PCDHA10: variants seen among roughly 807,000 people sequenced by gnomAD.
PCDHA10 encodes the protein protocadherin alpha-10.
A neutral mutation model predicts 61.2 loss-of-function variants in PCDHA10; 45 were observed. The ratio of observed to expected loss-of-function variants is 0.74; its 90% confidence interval spans 0.58 to 0.94. The LOEUF is 0.94. Among genes scored for constraint, PCDHA10 ranks in the 40% least tolerant of loss-of-function variants. PCDHA10 has a pLI of 0.00. For missense variants in PCDHA10, 1,278 were observed against 1,236.2 expected, an observed-to-expected ratio of 1.03 and a Z score of -0.51; for synonymous variants, 602 against 548.8, an observed-to-expected ratio of 1.10 and a Z score of -1.35.
chr5:140,882,737 G>C lies in PCDHA10; in HGVS notation c.2388+24301G>C, dbSNP rs1375859660. The C allele has an allele frequency of 3.7e-6, 6 of 1,614,090 alleles. No homozygotes were observed. In the East Asian group the frequency reaches 1.1e-4, roughly 30 times the overall value. ...GGAAACTCGATTTCCACTAGATGGC[G>C]CATCCGATGCAGATATTGGAGTAAA... On this transcript the variant is annotated intron_variant, in intron 1 of 3. Transcript: ENST00000307360.
Position 140,856,023 on chromosome 5 carries a change from G to A in PCDHA10, c.-26G>A. The stretch of plus-strand genomic sequence containing the variant: ...GTGCGTTCTAGACCGCTGATTCGTC[G>A]ATTTGTAAAACAAGAGAAGGATAAG... On this transcript the variant is annotated 5_prime_UTR_variant, in exon 1 of 4. Transcript: ENST00000307360. 2 of 1,556,224 alleles carry A rather than the reference G, an allele frequency of 1.3e-6. No homozygotes were observed. The highest frequency in any genetic ancestry group is 8.7e-7 in the Non-Finnish European group (1 of 1,145,220).
At chr5:140,914,481 G>A (rs549926889) in intron 1 of PCDHA10, among the ~76,000 whole-genome samples, 3 of 152,120 alleles carry the variant, frequency 2.0e-5, no homozygotes, top group Non-Finnish European at 4.4e-5. Context: ...TAGGTGAAGT[G>A]TTTCTTGTGG....
Position 141,010,653 on chromosome 5 carries a change from A to G in PCDHA10, c.*716A>G. On this transcript the variant is annotated 3_prime_UTR_variant, in exon 4 of 4. Transcript: ENST00000307360. ...TGCAAGCCAACAGTTCAGTGTTTTA[A>G]CAGAGAACCACCCTGGGAAACAGAA... 5.9e-6 allele frequency: 1 copy of G among 170,180 alleles called. No individual in the cohort carries two copies. The highest frequency in any genetic ancestry group is 1.3e-5 in the Non-Finnish European group (1 of 78,244). 10.5% of individuals were successfully genotyped at this position (170,180 alleles called of 1,614,324 possible). A position where few individuals can be genotyped will look rare whatever the true frequency, so the allele number is the denominator to read the frequency against.
chr5:140,912,064 A>G (rs1388725837), intron 1 of PCDHA10, among the ~76,000 whole-genome samples: 10 of 152,216 alleles, frequency 6.6e-5, no homozygotes, highest in Non-Finnish European at 1.0e-4. Flanking sequence ...TTGGAGTCCA[A>G]TGTTCAAGGG....
In PCDHA10 at chr5:140,858,119, C is replaced by G. The variant is rs1444406371; in HGVS notation, c.2071C>G (p.Leu691Val). The G allele has an allele frequency of 1.6e-5, 26 of 1,597,694 alleles. 1 individual carries two copies. The highest frequency in any genetic ancestry group is 2.1e-5 in the Non-Finnish European group (25 of 1,167,644). The change falls in exon 1 of 4, where the codon CTG (leucine) becomes GTG (valine). Residue 691 changes from leucine (L) to valine (V), a missense_variant. Transcript: ENST00000307360. The part of the protein sequence containing the change: ...ASVGVAPEVA[L>V]VDVNVYLIIA... The stretch of plus-strand genomic sequence containing the variant: ...AGTGGGCGTGGCGCCCGAGGTGGCC[C>G]TGGTGGATGTCAACGTGTACCTGAT...
At chr5:140,961,864 AG>A (rs2095638942) in intron 1 of PCDHA10, among the ~76,000 whole-genome samples, 3 of 151,832 alleles carry the variant, frequency 2.0e-5, no homozygotes, top group Non-Finnish European at 2.9e-5. Context: ...ATCTGGCCAC[AG>A]ATAATTGACT....
chr5:140,965,238 A>G (rs540671197), intron 1 of PCDHA10, among the ~76,000 whole-genome samples: 3 of 152,196 alleles, frequency 2.0e-5, no homozygotes, highest in Non-Finnish European at 2.9e-5. Context: ...ACCTGGGAAG[A>G]GTGAATATTC....
At chr5:141,001,522 C>G (rs1554258201) in intron 3 of PCDHA10, among the ~76,000 whole-genome samples, 1 of 152,214 alleles carries the variant, frequency 6.6e-6, no homozygotes, top group African/African-American at 2.4e-5. Context: ...TTCTCCCTCT[C>G]TCTCTGATCC....
rs79215949 is a variant in PCDHA10 at position 140,921,420 on chromosome 5, C to T, written c.2389-57529C>T. Among the ~76,000 whole-genome samples, 1,220 of 152,204 alleles carry T rather than the reference C, an allele frequency of 8.0e-3. 6 individuals carry two copies. The highest frequency in any genetic ancestry group is 0.019 in the African/African-American group (786 of 41,526). On this transcript the variant is annotated intron_variant, in intron 1 of 3. Coordinates refer to ENST00000307360, the MANE Select transcript of PCDHA10 (RefSeq NM_018901.4). Reference sequence around the variant, plus strand: ...ACTAGATTTTCCTCTGTGCTGCAGACAAAAATTTTCTTCAATGGTGTCTGA... The same window carrying T: ...ACTAGATTTTCCTCTGTGCTGCAGATAAAAATTTTCTTCAATGGTGTCTGA...
At chr5:140,983,931 G>A (rs1398681067) in intron 3 of PCDHA10, among the ~76,000 whole-genome samples, 1 of 152,190 alleles carries the variant, frequency 6.6e-6, no homozygotes, top group Non-Finnish European at 1.5e-5. Context: ...GCTATTTATG[G>A]ATGTTGCACA....
Position 140,995,742 on chromosome 5 carries a change from A to G in PCDHA10, c.2536+13179A>G, listed in dbSNP as rs1354360972. Among the ~76,000 whole-genome samples the G allele has an allele frequency of 7.2e-5, 11 of 152,280 alleles. No individual in the cohort carries two copies. In the East Asian group the frequency reaches 2.1e-3, roughly 29 times the overall value. On this transcript the variant is annotated intron_variant, in intron 3 of 3. Coordinates refer to ENST00000307360, the MANE Select transcript of PCDHA10 (RefSeq NM_018901.4). Reference sequence around the variant, plus strand: ...CTTAGGTAATCCTGGTGGATTTGGTATATCATGTCTGAGAAAATGTGGAGA... The same window carrying G: ...CTTAGGTAATCCTGGTGGATTTGGTGTATCATGTCTGAGAAAATGTGGAGA...
In PCDHA10 at chr5:140,856,318, C is replaced by G. The variant is rs200204071; in HGVS notation, c.270C>G (p.Asp90Glu). 1.3e-6 allele frequency: 2 copies of G among 1,598,576 alleles called. No homozygotes were observed. The highest frequency in any genetic ancestry group is 4.5e-5 in the East Asian group (2 of 44,852). The change falls in exon 1 of 4, where the codon GAC becomes GAG. Residue 90 changes from aspartate (D) to glutamate (E), a missense_variant. Physicochemically the swap from Asp to Glu is conservative, Grantham distance 45. Transcript: ENST00000307360. ...NGILFVNSRIDREELCGRSVE... is the reference protein window; with the variant it reads ...NGILFVNSRIEREELCGRSVE... ...TTTTGTTTGTGAATTCTCGGATTGA[C>G]CGCGAGGAGCTGTGCGGGCGGAGCG... is the stretch of plus-strand genomic sequence containing the variant.
At chr5:140,927,212 T>C (rs150770754) in intron 1 of PCDHA10, 20 of 1,614,012 alleles carry the variant, frequency 1.2e-5, no homozygotes, top group African/African-American at 1.1e-4. Flanking sequence ...CCGCTGGAGC[T>C]GCACAAGATT....
At chr5:140,935,232 A>G (rs2090253350) in intron 1 of PCDHA10, among the ~76,000 whole-genome samples, 1 of 152,110 alleles carries the variant, frequency 6.6e-6, no homozygotes, top group African/African-American at 2.4e-5. Context: ...AGGGATGTCT[A>G]TTTTTTAAAA....
intron 1 of PCDHA10, among the ~76,000 whole-genome samples, chr5:140,890,478 G>A (rs1358799219): frequency 1.3e-5 from 2 of 151,984 alleles, no homozygotes; most frequent in Non-Finnish European, 2.9e-5. Flanking sequence ...TTTTTTGTGC[G>A]TTATTTTTGT....
intron 1 of PCDHA10, among the ~76,000 whole-genome samples, chr5:140,871,794 ATTACTATT>A (rs1415079404): frequency 2.2e-4 from 33 of 152,228 alleles, no homozygotes; most frequent in African/African-American, 7.7e-4. Flanking sequence ...AGTAGAAATA[ATTACTATT>A]TTCACTAAAG....
At chr5:140,962,220 T>A (rs1174731292) in intron 1 of PCDHA10, among the ~76,000 whole-genome samples, 2 of 152,186 alleles carry the variant, frequency 1.3e-5, no homozygotes, top group African/African-American at 4.8e-5. Flanking sequence ...GATCTTGAGG[T>A]TCAAGTTTCA....
At chr5:140,940,258 C>A (rs2092581637) in intron 1 of PCDHA10, among the ~76,000 whole-genome samples, 1 of 152,130 alleles carries the variant, frequency 6.6e-6, no homozygotes, top group South Asian at 2.1e-4. Flanking sequence ...TCAATATCTT[C>A]TGGGTTCCAC....
At chr5:140,888,189 T>C (rs1554183360) in intron 1 of PCDHA10, among the ~76,000 whole-genome samples, 2 of 152,344 alleles carry the variant, frequency 1.3e-5, no homozygotes. Flanking sequence ...TTGTGAATTT[T>C]ACATTGTCGG....
Sources: gnomAD v4.1 joint callset for allele counts (sites outside exome capture counted in the v4.1 genomes callset) on GRCh38, gnomAD v4.1.1 for gene constraint, MANE v1.5 for transcripts, NCBI Gene and HGNC (gene_info 2026-07-23, HGNC 2026-07-21) for gene names.